Variants in TRANK1 observed in about 807,000 individuals in gnomAD.
TRANK1 encodes TPR and ankyrin repeat-containing protein 1.
A neutral mutation model predicts 266.0 loss-of-function variants in TRANK1; 198 were observed. The observed-to-expected ratio is 0.74, with a 90% CI of 0.66 to 0.84. TRANK1 has a LOEUF of 0.84. TRANK1 is among the 40% of genes least tolerant of loss of function. TRANK1 has a pLI of 0.00. For synonymous variants in TRANK1, 1,396 were observed against 1,384.1 expected, an observed-to-expected ratio of 1.01 and a Z score of -0.19; for missense variants, 3,326 against 3,634.6, an observed-to-expected ratio of 0.92 and a Z score of 2.18.
At chr3:36,907,342 G>T (rs2079984644) in intron 2 of TRANK1, among the ~76,000 whole-genome samples, 1 of 151,726 alleles carries the variant, frequency 6.6e-6, no homozygotes, top group African/African-American at 2.4e-5. Context: ...TAGAGATGGG[G>T]TTTCACCATG....
Position 36,892,278 on chromosome 3 carries a change from G to T in TRANK1, c.699C>A (p.Leu233=). The T allele has an allele frequency of 6.5e-7, 1 of 1,537,190 alleles. No homozygotes were observed. Among genetic ancestry groups the T allele is most frequent in the Non-Finnish European group, 8.7e-7 (1 of 1,146,890 alleles). ...MEQVPKLVQW[L]ISIGASVETI... ...TCTCAACACTTGCACCAATGGAGAT[G>T]AGCCACTGGACTAACTTGGGCACTT... The change falls in exon 7 of 24, where the codon CTC becomes CTA. Residue 233 remains leucine, a synonymous_variant. Transcript: ENST00000645898.
intron 1 of TRANK1, among the ~76,000 whole-genome samples, chr3:36,910,649 A>G (rs1479239775): frequency 6.6e-6 from 1 of 152,152 alleles, no homozygotes; most frequent in African/African-American, 2.4e-5. Flanking sequence ...CTGAGGCAGG[A>G]GAATCGCTTG....
At position 36,864,461 on chromosome 3, in the gene TRANK1, T is replaced by C. The variant is rs1340553395; in HGVS notation, c.1098A>G (p.Gly366=). 1 of 1,534,196 alleles carries C rather than the reference T, an allele frequency of 6.5e-7. No individual in the cohort carries two copies. The change falls in exon 10 of 24, where the codon GGA becomes GGG. Residue 366 remains glycine, a synonymous_variant. Transcript: ENST00000645898. ...KDLSGFSNGD[G]PTSENDIFRK... is the part of the protein sequence containing the mutation. ...TGAAAATGTCGTTTTCACTAGTGGG[T>C]CCATCACCATTGCTGAATCCTACAA...
At position 36,840,268 on chromosome 3, in the gene TRANK1, C is replaced by T. The variant is rs184717291; in HGVS notation, c.5281-1552G>A. Among the ~76,000 whole-genome samples, 78 of 151,750 alleles carry T rather than the reference C, an allele frequency of 5.1e-4. 1 individual carries two copies. In the Middle Eastern group the frequency reaches 0.014, roughly 27 times the overall value. On this transcript the variant is annotated intron_variant, in intron 18 of 23. Transcript: ENST00000645898. ...AAAAAAATTCTTGGTTTCATAACAACGGCCAAACATTCAGTGTTTCTTTCC... is the reference window on the plus strand; with the variant it reads ...AAAAAAATTCTTGGTTTCATAACAATGGCCAAACATTCAGTGTTTCTTTCC...
Position 36,857,162 on chromosome 3 carries a change from C to T in TRANK1, c.2560G>A (p.Val854Ile). 6.2e-7 allele frequency: 1 copy of T among 1,613,990 alleles called. No individual in the cohort carries two copies. The highest frequency in any genetic ancestry group is 1.7e-5 in the Admixed American group (1 of 60,020). ...GCAAGGATGATTTTCTTCTTGATGA[C>T]CTTGGTCATTACCTTACTAGACAGC... is the stretch of plus-strand genomic sequence containing the variant. ...KKLSSKVMTK[V>I]IKKKIILAIQ... is the part of the protein sequence containing the mutation. The change falls in exon 13 of 24, where the codon GTC becomes ATC. Residue 854 changes from valine (V) to isoleucine (I), a missense_variant. Val to Ile is a conservative substitution (Grantham distance 29). Transcript: ENST00000645898. The surrounding 1 kb of genome is among the most constrained non-coding windows in gnomAD (Gnocchi z 4.3).
intron 18 of TRANK1, among the ~76,000 whole-genome samples, chr3:36,840,310 G>C (rs1379065941): frequency 6.6e-6 from 1 of 152,148 alleles, no homozygotes; most frequent in East Asian, 1.9e-4. Flanking sequence ...AACAAGGATG[G>C]GCAGTGAAGA....
intron 11 of TRANK1, 36 bp downstream of exon 11, chr3:36,860,870 A>G: frequency 6.5e-7 from 1 of 1,533,830 alleles, no homozygotes; most frequent in African/African-American, 1.4e-5. Flanking sequence ...GAGAATGTGG[A>G]CAAGTCTCCA....
At chr3:36,905,796 C>A (rs1301370290) in intron 2 of TRANK1, among the ~76,000 whole-genome samples, 1 of 152,184 alleles carries the variant, frequency 6.6e-6, no homozygotes, top group Admixed American at 6.5e-5. Flanking sequence ...TAGACACCAT[C>A]CCTGCTTAGA....
chr3:36,838,095 A>C (rs189416367), intron 20 of TRANK1, among the ~76,000 whole-genome samples: 2 of 152,286 alleles, frequency 1.3e-5, no homozygotes, highest in African/African-American at 4.8e-5. Flanking sequence ...TGGCTTGAGC[A>C]TTTGGCTTCC....
intron 5 of TRANK1, 52 bp downstream of exon 5, chr3:36,895,583 AGGAAT>A: frequency 9.2e-7 from 1 of 1,084,230 alleles, no homozygotes; most frequent in Non-Finnish European, 1.3e-6. Flanking sequence ...GCCAATGGAA[AGGAAT>A]CATTTCATCA....
At chr3:36,840,341 C>G (rs2078827116) in intron 18 of TRANK1, among the ~76,000 whole-genome samples, 1 of 152,160 alleles carries the variant, frequency 6.6e-6, no homozygotes, top group Admixed American at 6.5e-5. Flanking sequence ...GCTTGGTCAA[C>G]TTCTGCAGCT....
At chr3:36,852,791 A>C (rs531640660) in intron 13 of TRANK1, among the ~76,000 whole-genome samples, 17 of 151,782 alleles carry the variant, frequency 1.1e-4, no homozygotes, top group Non-Finnish European at 1.9e-4. Flanking sequence ...AAAAAAAAAA[A>C]AAAAAAAACA....
At chr3:36,852,758 C>T (rs564790045) in intron 13 of TRANK1, among the ~76,000 whole-genome samples, 38 of 134,984 alleles carry the variant, frequency 2.8e-4, no homozygotes, top group Admixed American at 9.9e-4. Context: ...GGTGACAGAG[C>T]GAGACTCCAT....
At chr3:36,878,256 G>C (rs2079418571) in intron 8 of TRANK1, among the ~76,000 whole-genome samples, 1 of 152,154 alleles carries the variant, frequency 6.6e-6, no homozygotes, top group East Asian at 1.9e-4. Flanking sequence ...GCAATCTCAG[G>C]TGGAACAGTT....
At chr3:36,884,921 G>C (rs2079580772) in intron 8 of TRANK1, among the ~76,000 whole-genome samples, 1 of 133,866 alleles carries the variant, frequency 7.5e-6, no homozygotes, top group Non-Finnish European at 1.5e-5. Flanking sequence ...GACAGAGCAA[G>C]ACTCTGTCTC....
At chr3:36,876,720 T>C (rs534315594) in intron 8 of TRANK1, among the ~76,000 whole-genome samples, 2 of 152,096 alleles carry the variant, frequency 1.3e-5, no homozygotes, top group African/African-American at 2.4e-5. Context: ...CACAACGGAG[T>C]AAAAGGCAAG....
intron 1 of TRANK1, among the ~76,000 whole-genome samples, chr3:36,936,855 A>T (rs944321482): frequency 4.6e-5 from 7 of 152,192 alleles, no homozygotes; most frequent in African/African-American, 1.7e-4. Flanking sequence ...TAATCCCAGC[A>T]CTTTGGGAGA....
intron 5 of TRANK1, among the ~76,000 whole-genome samples, chr3:36,893,887 CT>C (rs10646646): frequency 1.0e-3 from 151 of 145,974 alleles, no homozygotes; most frequent in Admixed American, 1.1e-3. Flanking sequence ...GATACCCATT[CT>C]TTTTTTTTTT....
At position 36,914,318 on chromosome 3, in the gene TRANK1, G is replaced by A. The variant is rs901474525; in HGVS notation, c.24-5864C>T. Among the ~76,000 whole-genome samples, 8 of 151,948 alleles carry A rather than the reference G, an allele frequency of 5.3e-5. No individual in the cohort carries two copies. The South Asian group carries it at 1.2e-3, about 24-fold the overall frequency. ...CAGGCTAATTTTTGTATTTTTAGTA[G>A]AGACAGGGTTTTCACCATGTTGGCC... On this transcript the variant is annotated intron_variant, in intron 1 of 23. Coordinates refer to ENST00000645898, the MANE Select transcript of TRANK1 (RefSeq NM_001329998.2).
Sources: gnomAD v4.1 joint callset for allele counts (sites outside exome capture counted in the v4.1 genomes callset) on GRCh38, gnomAD v4.1.1 for gene constraint, Gnocchi (gnomAD v3.1) non-coding constraint, MANE v1.5 for transcripts, NCBI Gene and HGNC (gene_info 2026-07-23, HGNC 2026-07-21) for gene names.